ITPR3: variants seen among roughly 807,000 people sequenced by gnomAD.
ITPR3 encodes inositol 1,4,5-trisphosphate-gated calcium channel ITPR3.
Under a neutral mutation model 293.2 loss-of-function variants are expected in ITPR3, and 173 were observed. The observed-to-expected ratio is 0.59, with a 90% CI of 0.52 to 0.67. The LOEUF is 0.67. Ranked by LOEUF, ITPR3 falls within the 30% of genes least tolerant of loss-of-function variation. ITPR3 has a pLI of 0.00. For missense variants in ITPR3, 2,796 were observed against 3,592.1 expected (o/e 0.78, Z 5.66); for synonymous variants, 1,295 against 1,444.4 (o/e 0.90, Z 2.35).
In ITPR3 at chr6:33,684,829, G is replaced by T. The variant is rs1295796049; in HGVS notation, c.5193G>T (p.Glu1731Asp). The change falls in exon 39 of 58, where the codon GAG becomes GAT. Residue 1731 changes from glutamate (E) to aspartate (D), a missense_variant. Physicochemically the swap from Glu to Asp is conservative, Grantham distance 45. Around this residue, in one of 8 missense-constraint regions of ITPR3, gnomAD observed 704 missense variants for 797.5 expected, o/e 0.88. Transcript: ENST00000605930. The surrounding 1 kb of genome is among the most constrained non-coding windows in gnomAD (Gnocchi z 4.2). Reference sequence around the variant, plus strand: ...CCACCCAGTGCCGGCTGGACAAGGAGGGGGCCACCAAGTTGGTATGCGACC... The same window carrying T: ...CCACCCAGTGCCGGCTGGACAAGGATGGGGCCACCAAGTTGGTATGCGACC... The part of the protein sequence containing the change: ...IAATQCRLDK[E>D]GATKLVCDLI... 3 of 1,614,024 alleles carry T rather than the reference G, an allele frequency of 1.9e-6. No individual in the cohort carries two copies.
chr6:33,651,146 A>G (rs1028080708), intron 2 of ITPR3, among the ~76,000 whole-genome samples: 1 of 151,952 alleles, frequency 6.6e-6, no homozygotes, highest in Non-Finnish European at 1.5e-5. Context: ...GCGTGGTGGC[A>G]CGCGCCTGTA....
At position 33,675,998 on chromosome 6, in the gene ITPR3, G is replaced by C. The variant is rs915768658; in HGVS notation, c.3282+142G>C. ...GGTTTTCAGCCTTGCTGAGTTCCTA[G>C]GTGAAGACTGAGTCTCCTGGCCTGG... On this transcript the variant is annotated intron_variant, in intron 25 of 57. Coordinates refer to ENST00000605930, the MANE Select transcript of ITPR3 (RefSeq NM_002224.4). The surrounding 1 kb of genome is among the most constrained non-coding windows in gnomAD (Gnocchi z 5.0). 1.0e-6 allele frequency: 1 copy of C among 997,486 alleles called. No individual in the cohort carries two copies. The highest frequency in any genetic ancestry group is 1.6e-5 in the African/African-American group (1 of 60,706). The allele number at this position is 997,486 out of a possible 1,614,324, so 61.8% of individuals were successfully genotyped here.
rs373881467 is a variant in ITPR3, at chr6:33,668,495, G to A, written c.1887-20G>A. 1.4e-5 allele frequency: 23 copies of A among 1,613,878 alleles called. No homozygotes were observed. Among genetic ancestry groups the A allele is most frequent in the African/African-American group, 6.7e-5 (5 of 74,914 alleles). On this transcript the variant is annotated intron_variant, in intron 16 of 57. Transcript: ENST00000605930. ...CAGCCTCTGAGACCCTCTTCCCACCGCTGGCTGTCACCACCCCAGGTTCCT... is the reference window on the plus strand; with the variant it reads ...CAGCCTCTGAGACCCTCTTCCCACCACTGGCTGTCACCACCCCAGGTTCCT...
At chr6:33,663,071 ATG>A in intron 9 of ITPR3, 65 bp downstream of exon 9, 1 of 1,339,220 alleles carries the variant, frequency 7.5e-7, no homozygotes, top group Non-Finnish European at 1.0e-6. Context: ...GTGCGGGAAC[ATG>A]TGTGCACATA....
In ITPR3 at chr6:33,684,560, T is replaced by A. The variant is rs754992967; in HGVS notation, c.5047-38T>A. ...GTCAGGCCAGTGGTCAGTGGTGGGCTGTACCCACAATGGGGCCTCACTCCC... is the reference window on the plus strand; with the variant it reads ...GTCAGGCCAGTGGTCAGTGGTGGGCAGTACCCACAATGGGGCCTCACTCCC... On this transcript the variant is annotated intron_variant, in intron 37 of 57. Coordinates refer to ENST00000605930, the MANE Select transcript of ITPR3 (RefSeq NM_002224.4). This position sits in a 1 kb window ranked among gnomAD's most constrained non-coding sequence, Gnocchi z 4.2. 6.2e-7 allele frequency: 1 copy of A among 1,607,182 alleles called. No homozygotes were observed. Among genetic ancestry groups the A allele is most frequent in the African/African-American group, 1.3e-5 (1 of 74,756 alleles).
At chr6:33,657,612 G>C (rs763498421) in intron 3 of ITPR3, among the ~76,000 whole-genome samples, 3 of 151,992 alleles carry the variant, frequency 2.0e-5, no homozygotes, top group Non-Finnish European at 4.4e-5. Flanking sequence ...GTTCCTGGGG[G>C]GGTAAGGGGA....
At position 33,640,506 on chromosome 6, in the gene ITPR3, G is replaced by C; in HGVS notation, c.112G>C (p.Val38Leu). 1.9e-6 allele frequency: 3 copies of C among 1,613,728 alleles called. No homozygotes were observed. The highest frequency in any genetic ancestry group is 2.5e-6 in the Non-Finnish European group (3 of 1,179,806). Residue 38 changes from valine (V) to leucine (L), a missense_variant, in exon 2 of 58, where the codon GTG becomes CTG. By Grantham distance (32) the Val-to-Leu change is conservative (BLOSUM62 1). Coordinates refer to ENST00000605930, the MANE Select transcript of ITPR3 (RefSeq NM_002224.4). ...CAGGCTGGTGGATGACCGCTGTGTG[G>C]TGGAGCCCGCGGCCGGGGACCTGGA... ...TLGLVDDRCV[V>L]EPAAGDLDNP...
rs112764151 is a variant in ITPR3 at position 33,679,485 on chromosome 6, T to C, written c.3973-397T>C. ...GTGTTAGTTTTATTAATTTCTATTA[T>C]TATATTACTGCGAATAATGCAGTCG... On this transcript the variant is annotated intron_variant, in intron 30 of 57. Transcript: ENST00000605930. The surrounding 1 kb of genome is among the most constrained non-coding windows in gnomAD (Gnocchi z 4.2). Among the ~76,000 whole-genome samples the C allele has an allele frequency of 6.6e-6, 1 of 152,230 alleles. No individual in the cohort carries two copies. The highest frequency in any genetic ancestry group is 1.5e-5 in the Non-Finnish European group (1 of 68,046).
At chr6:33,678,876 G>C in intron 30 of ITPR3, 37 bp downstream of exon 30, 1 of 1,585,918 alleles carries the variant, frequency 6.3e-7, no homozygotes. Flanking sequence ...GGCATCTTGG[G>C]GTGGGGGACC....
chr6:33,641,681 C>G (rs1763955808), intron 2 of ITPR3, among the ~76,000 whole-genome samples: 1 of 152,132 alleles, frequency 6.6e-6, no homozygotes, highest in African/African-American at 2.4e-5. Context: ...CCCCCTTGCC[C>G]CCTCCCACTT....
intron 22 of ITPR3, among the ~76,000 whole-genome samples, chr6:33,673,389 C>T (rs1039043877): frequency 2.7e-5 from 4 of 147,062 alleles, no homozygotes; most frequent in Non-Finnish European, 6.0e-5. Flanking sequence ...AGAGGGCACC[C>T]TGGGCCTGGG....
rs147877035 is a variant in ITPR3, at chr6:33,678,050, C to G, written c.3649-371C>G. On this transcript the variant is annotated intron_variant, in intron 28 of 57. Transcript: ENST00000605930. Reference sequence around the variant, plus strand: ...CTTGTCCTGACCCCTGGTTTTGATTCCTCATCCTGACATCTTATGCTGACC... The same window carrying G: ...CTTGTCCTGACCCCTGGTTTTGATTGCTCATCCTGACATCTTATGCTGACC... 4.6e-3 allele frequency among the ~76,000 whole-genome samples: 695 copies of G among 152,224 alleles called. 6 individuals carry two copies. The highest frequency in any genetic ancestry group is 0.016 in the African/African-American group (669 of 41,526).
At position 33,689,238 on chromosome 6, in the gene ITPR3, G is replaced by C; in HGVS notation, c.6695G>C (p.Gly2232Ala). Residue 2232 changes from glycine to alanine, a missense_variant and splice_region_variant, in exon 50 of 58, where the codon GGC becomes GCC. Gly to Ala is a moderately conservative substitution (Grantham distance 60, BLOSUM62 0). Coordinates refer to ENST00000605930, the MANE Select transcript of ITPR3 (RefSeq NM_002224.4). ...TGCTCACCCTGCCCCTGGCCCCCAG[G>C]CGTGCTGGACTCCCCTCTCATCTCA... ...FYPYMEGAST[G>A]VLDSPLISLL... is the part of the protein sequence containing the mutation. 1 of 1,608,706 alleles carries C rather than the reference G, an allele frequency of 6.2e-7. No homozygotes were observed. The highest frequency in any genetic ancestry group is 8.5e-7 in the Non-Finnish European group (1 of 1,179,890).
Position 33,679,349 on chromosome 6 carries a change from T to C in ITPR3, c.3972+510T>C, listed in dbSNP as rs1765004597. ...GAGTCTAAATCTGGAACAGACGTGG[T>C]CCCTGCCCCTGAGCATCTGACAGTG... On this transcript the variant is annotated intron_variant, in intron 30 of 57. Transcript: ENST00000605930. This position sits in a 1 kb window ranked among gnomAD's most constrained non-coding sequence, Gnocchi z 4.2. Among the ~76,000 whole-genome samples the C allele has an allele frequency of 6.6e-6, 1 of 152,126 alleles. No individual in the cohort carries two copies. The highest frequency in any genetic ancestry group is 2.1e-4 in the South Asian group (1 of 4,818).
In ITPR3 at chr6:33,655,678, A is replaced by G; in HGVS notation, c.161-88A>G. ...AACGGGGGTGGGGAAGGGTTGGGAG[A>G]GAAGAGCTGCAGGCTGGGGTTTTCT... On this transcript the variant is annotated intron_variant, in intron 2 of 57. Transcript: ENST00000605930. The surrounding 1 kb of genome is among the most constrained non-coding windows in gnomAD (Gnocchi z 4.9). 5 of 1,556,170 alleles carry G rather than the reference A, an allele frequency of 3.2e-6. No homozygotes were observed. Among genetic ancestry groups the G allele is most frequent in the South Asian group, 1.2e-5 (1 of 86,504 alleles).
Position 33,688,268 on chromosome 6 carries a change from G to C in ITPR3, c.6405G>C (p.Gln2135His), listed in dbSNP as rs753304008. 1.2e-6 allele frequency: 2 copies of C among 1,614,204 alleles called. No homozygotes were observed. Among genetic ancestry groups the C allele is most frequent in the African/African-American group, 1.3e-5 (1 of 75,068 alleles). ...EIVRQDRSME[Q>H]IVFPVPGICQ... ...TGCGGCAGGACCGCAGCATGGAGCA[G>C]ATCGTGTTCCCAGTGCCCGGCATCT... The change falls in exon 48 of 58, where the codon CAG (glutamine) becomes CAC (histidine). Residue 2135 changes from glutamine to histidine, a missense_variant. By Grantham distance (24) the Gln-to-His change is conservative. Around this residue, in one of 8 missense-constraint regions of ITPR3, gnomAD observed 568 missense variants for 796.1 expected, o/e 0.71. Transcript: ENST00000605930.
Position 33,684,146 on chromosome 6 carries a change from G to A in ITPR3, c.4915G>A (p.Glu1639Lys), listed in dbSNP as rs369673229. The change falls in exon 36 of 58, where the codon GAG (glutamate) becomes AAG (lysine). Residue 1639 changes from glutamate (E) to lysine (K), a missense_variant. Around this residue, in one of 8 missense-constraint regions of ITPR3, gnomAD observed 704 missense variants for 797.5 expected, o/e 0.88. Coordinates refer to ENST00000605930, the MANE Select transcript of ITPR3 (RefSeq NM_002224.4). The surrounding 1 kb of genome is among the most constrained non-coding windows in gnomAD (Gnocchi z 4.2). ...LEGSEAYQRC[E>K]SGGFLSKLIQ... ...GGGCAGTGAGGCCTACCAGCGCTGC[G>A]AGAGTGGGGGCTTCCTGTCCAAGTG... 35 of 1,610,784 alleles carry A rather than the reference G, an allele frequency of 2.2e-5. No individual in the cohort carries two copies. The highest frequency in any genetic ancestry group is 4.0e-5 in the African/African-American group (3 of 74,818).
chr6:33,662,966 G>T lies in ITPR3; in HGVS notation c.914G>T (p.Arg305Leu), dbSNP rs560642079. The T allele has an allele frequency of 1.9e-6, 3 of 1,604,258 alleles. No individual in the cohort carries two copies. Among genetic ancestry groups the T allele is most frequent in the South Asian group, 2.2e-5 (2 of 89,160 alleles). The change falls in exon 9 of 58, where the codon CGC becomes CTC. Residue 305 changes from arginine (R) to leucine (L), a missense_variant. Physicochemically the swap from Arg to Leu is moderately radical, Grantham distance 102. Transcript: ENST00000605930. ...GGAGHWNGLY[R>L]FKHLATGNYL... is the part of the protein sequence containing the mutation. ...GCTGGGCACTGGAATGGCTTGTACC[G>T]CTTCAAGCACCTGGCTACAGGCAAC...
Position 33,695,065 on chromosome 6 carries a change from C to T in ITPR3, c.7927C>T (p.Leu2643Phe). 1 of 1,613,956 alleles carries T rather than the reference C, an allele frequency of 6.2e-7. No homozygotes were observed. The highest frequency in any genetic ancestry group is 1.3e-5 in the African/African-American group (1 of 75,042). ...GCTGGTGTCCCACCTCACTGCCCAG[C>T]TCAACGAGCTCAAGGAGCAGGTGTG... ...MKLVSHLTAQLNELKEQMTEQ... is the reference protein window; with the variant it reads ...MKLVSHLTAQFNELKEQMTEQ... The change falls in exon 57 of 58, where the codon CTC becomes TTC. Residue 2643 changes from leucine to phenylalanine, a missense_variant. By Grantham distance (22) the Leu-to-Phe change is conservative (BLOSUM62 0). Transcript: ENST00000605930.
Sources: gnomAD v4.1 joint callset for allele counts (sites outside exome capture counted in the v4.1 genomes callset) on GRCh38, gnomAD v4.1.1 for gene constraint, gnomAD v4.1.1 regional missense constraint, Gnocchi (gnomAD v3.1) non-coding constraint, MANE v1.5 for transcripts, NCBI Gene and HGNC (gene_info 2026-07-23, HGNC 2026-07-21) for gene names.